CECR2: variants seen among roughly 807,000 people sequenced by gnomAD.
CECR2 encodes CECR2 histone acetyl-lysine reader.
Under a neutral mutation model 154.5 loss-of-function variants are expected in CECR2, and 30 were observed. The ratio of observed to expected loss-of-function variants is 0.19; its 90% CI spans 0.15 to 0.26. CECR2 has a LOEUF of 0.26. CECR2 is among the 10% of genes least tolerant of loss of function. The pLI is 1.00. For missense variants in CECR2, 1,743 were observed against 1,829.3 expected, an observed-to-expected ratio of 0.95 and a Z score of 0.86; for synonymous variants, 725 against 683.7, an observed-to-expected ratio of 1.06 and a Z score of -0.94.
In CECR2 at chr22:17,477,692, T is replaced by A. The variant is rs140841928; in HGVS notation, c.221+10T>A. ...AACGAAGAGATATCACGTGAGTAAT[T>A]CTGATCTTTCTAAGCATTTCTTGCG... On this transcript the variant is annotated intron_variant, in intron 2 of 18. Coordinates refer to ENST00000262608, the MANE Select transcript of CECR2 (RefSeq NM_001290047.2). The A allele has an allele frequency of 1.9e-6, 3 of 1,574,202 alleles. No individual in the cohort carries two copies. The highest frequency in any genetic ancestry group is 2.6e-6 in the Non-Finnish European group (3 of 1,143,942).
rs1213355873 is a variant in CECR2 at position 17,378,804 on chromosome 22, A to T, written c.126+8895A>T. ...AGGTACACCCTATGTGAGATAGATG[A>T]GTTTTTCCTTGTGATGGGCATTTTT... On this transcript the variant is annotated intron_variant, in intron 1 of 18. Coordinates refer to ENST00000262608, the MANE Select transcript of CECR2 (RefSeq NM_001290047.2). Among the ~76,000 whole-genome samples the T allele has an allele frequency of 3.5e-4, 54 of 152,184 alleles. 1 individual carries two copies. The South Asian group carries it at 0.01, about 29-fold the overall frequency.
At chr22:17,506,344 C>G (rs2055844319) in intron 7 of CECR2, among the ~76,000 whole-genome samples, 1 of 151,656 alleles carries the variant, frequency 6.6e-6, no homozygotes, top group East Asian at 2.0e-4. Context: ...CTGGGCTGGT[C>G]CTGAACTCCT....
intron 2 of CECR2, among the ~76,000 whole-genome samples, chr22:17,491,376 G>A (rs1461315566): frequency 1.3e-5 from 2 of 151,946 alleles, no homozygotes. Flanking sequence ...GTTTTTTGAC[G>A]TCCTCCATTA....
chr22:17,401,191 A>G (rs1370226849), intron 1 of CECR2, among the ~76,000 whole-genome samples: 1 of 152,104 alleles, frequency 6.6e-6, no homozygotes, highest in Non-Finnish European at 1.5e-5. Flanking sequence ...GACGGGTGAC[A>G]GAAACTGGTA....
intron 10 of CECR2, 57 bp from the exon 11 acceptor site, chr22:17,538,463 A>G (rs1364757399): frequency 5.5e-6 from 8 of 1,466,128 alleles, no homozygotes; most frequent in Admixed American, 5.0e-5. Context: ...GACCTGAGAG[A>G]GCTCAGGAGA....
chr22:17,527,222 C>T (rs1477090551), intron 9 of CECR2, among the ~76,000 whole-genome samples: 2 of 152,186 alleles, frequency 1.3e-5, no homozygotes, highest in African/African-American at 2.4e-5. Flanking sequence ...CTTTGGGAGG[C>T]CAAGGCTGGC....
At chr22:17,406,578 T>C (rs770583375) in intron 1 of CECR2, among the ~76,000 whole-genome samples, 1 of 152,156 alleles carries the variant, frequency 6.6e-6, no homozygotes, top group Non-Finnish European at 1.5e-5. Flanking sequence ...TCTGCTGTTC[T>C]TGGCTAGAGT....
At chr22:17,525,707 C>T (rs1023910290) in intron 9 of CECR2, among the ~76,000 whole-genome samples, 1 of 152,212 alleles carries the variant, frequency 6.6e-6, no homozygotes, top group Non-Finnish European at 1.5e-5. Context: ...TGGCTATGTC[C>T]AGTGCCACAT....
chr22:17,505,954 C>T lies in CECR2; in HGVS notation c.870+938C>T, dbSNP rs529493540. On this transcript the variant is annotated intron_variant, in intron 7 of 18. Coordinates refer to ENST00000262608, the MANE Select transcript of CECR2 (RefSeq NM_001290047.2). ...CGATTTGCCAGGCTCATGTGATCCTCTCATCTCAACCTCCCAAGTAGCTGG... is the reference window on the plus strand; with the variant it reads ...CGATTTGCCAGGCTCATGTGATCCTTTCATCTCAACCTCCCAAGTAGCTGG... Among the ~76,000 whole-genome samples the T allele has an allele frequency of 2.0e-5, 3 of 150,310 alleles. No individual in the cohort carries two copies. The South Asian group carries it at 6.4e-4, about 32-fold the overall frequency.
intron 3 of CECR2, among the ~76,000 whole-genome samples, chr22:17,498,786 C>CAA (rs397711429): frequency 6.6e-6 from 1 of 151,260 alleles, no homozygotes; most frequent in Non-Finnish European, 1.5e-5. Flanking sequence ...CATAAAACAA[C>CAA]CGCTCCCAGC....
chr22:17,424,894 T>C (rs1156987887), intron 1 of CECR2: 1 of 152,252 alleles, frequency 6.6e-6, no homozygotes, highest in African/African-American at 2.4e-5. Flanking sequence ...TAGACATTAA[T>C]GTAAGAAATA....
chr22:17,363,568 C>A (rs1473931311), intron 1 of CECR2, among the ~76,000 whole-genome samples: 1 of 152,096 alleles, frequency 6.6e-6, no homozygotes, highest in Non-Finnish European at 1.5e-5. Context: ...GGCTCGAACT[C>A]CTGACCTCAG....
intron 3 of CECR2, 33 bp from the exon 4 acceptor site, chr22:17,499,377 T>A: frequency 6.3e-7 from 1 of 1,588,658 alleles, no homozygotes; most frequent in Non-Finnish European, 8.5e-7. Flanking sequence ...TTGTTCCCCA[T>A]TTCCCCAAAC....
chr22:17,424,036 A>G (rs937935753), intron 1 of CECR2, among the ~76,000 whole-genome samples: 5 of 152,180 alleles, frequency 3.3e-5, no homozygotes, highest in African/African-American at 9.7e-5. Flanking sequence ...TTCAGAGCCT[A>G]TAGCTCTTGA....
chr22:17,484,963 T>A (rs1309255081), intron 2 of CECR2, among the ~76,000 whole-genome samples: 3 of 152,230 alleles, frequency 2.0e-5, no homozygotes, highest in Non-Finnish European at 4.4e-5. Context: ...ACTATTCCAG[T>A]TCCACTGACT....
At chr22:17,468,300 C>G (rs1344344851) in intron 1 of CECR2, among the ~76,000 whole-genome samples, 1 of 152,132 alleles carries the variant, frequency 6.6e-6, no homozygotes, top group Admixed American at 6.6e-5. Flanking sequence ...GTCCCTGCCC[C>G]CTCATTTCTG....
chr22:17,446,830 G>A (rs60403458), intron 1 of CECR2, among the ~76,000 whole-genome samples: 42,939 of 151,820 alleles, frequency 0.28, 8,384 homozygotes, highest in East Asian at 0.54. Context: ...GCAGGTTGCC[G>A]CTGTGAGGTG....
chr22:17,538,626 TCTC>T lies in CECR2; in HGVS notation c.1277-13_1277-11del, dbSNP rs779315742. The stretch of plus-strand genomic sequence containing the variant: ...CCTCTGTGAGTGTGTTAAGATCTCT[TCTC>T]TGGCTTTCAGTTCTAGACGTGGTAA... On this transcript the variant is annotated splice_polypyrimidine_tract_variant and intron_variant, in intron 11 of 18. Coordinates refer to ENST00000262608, the MANE Select transcript of CECR2 (RefSeq NM_001290047.2). 1.2e-6 allele frequency: 2 copies of T among 1,613,976 alleles called. No homozygotes were observed. Among genetic ancestry groups the T allele is most frequent in the Non-Finnish European group, 1.7e-6 (2 of 1,179,832 alleles).
chr22:17,447,881 T>TTG (rs3079529), intron 1 of CECR2, among the ~76,000 whole-genome samples: 38,064 of 151,772 alleles, frequency 0.25, 6,176 homozygotes, highest in African/African-American at 0.44. Flanking sequence ...AGTGTTTTTT[T>TTG]TTTGTTTGTT....
Sources: gnomAD v4.1 joint callset for allele counts (sites outside exome capture counted in the v4.1 genomes callset) on GRCh38, gnomAD v4.1.1 for gene constraint, MANE v1.5 for transcripts, NCBI Gene and HGNC (gene_info 2026-07-23, HGNC 2026-07-21) for gene names.